Variants in PDE6C observed in about 807,000 individuals in gnomAD.
PDE6C encodes cone cGMP-specific 3',5'-cyclic phosphodiesterase subunit alpha'.
A neutral mutation model predicts 113.1 loss-of-function variants in PDE6C; 75 were observed. The ratio of observed to expected loss-of-function variants is 0.66; its 90% CI spans 0.55 to 0.80. The LOEUF is 0.80. Among genes scored for constraint, PDE6C ranks in the 30% least tolerant of loss-of-function variants. The pLI is 0.00. For synonymous variants in PDE6C, 375 were observed against 363.7 expected (o/e 1.03, Z -0.35); for missense variants, 912 against 1,038.6 (o/e 0.88, Z 1.67).
chr10:93,652,019 A>ATG (rs371473946), intron 15 of PDE6C, among the ~76,000 whole-genome samples: 2,135 of 151,458 alleles, frequency 0.014, 54 homozygotes, highest in African/African-American at 0.049. Context: ...GTGTGTGTGC[A>ATG]TGTGTGTGTG....
intron 16 of PDE6C, among the ~76,000 whole-genome samples, chr10:93,657,191 C>T (rs2058641963): frequency 6.6e-6 from 1 of 151,876 alleles, no homozygotes; most frequent in African/African-American, 2.4e-5. Flanking sequence ...GCGACGGAGT[C>T]TCACTCTGTC....
intron 3 of PDE6C, 121 bp downstream of exon 3, chr10:93,621,101 C>T (rs1382335040): frequency 1.3e-6 from 1 of 796,716 alleles, no homozygotes; most frequent in Non-Finnish European, 2.2e-6. Context: ...AACAGATCCC[C>T]AAACTTCAGT....
intron 4 of PDE6C, among the ~76,000 whole-genome samples, chr10:93,622,671 T>TTTTTTTTTTTTTTTTTTTC (rs2058454152): frequency 6.8e-6 from 1 of 147,300 alleles, no homozygotes; most frequent in African/African-American, 2.5e-5. Context: ...TGTTGTTTTT[T>TTTTTTTTTTTTTTTTTTTC]TTTTTTTGCT....
At chr10:93,629,340 G>A (rs1354727908) in intron 8 of PDE6C, 35 bp downstream of exon 8, 1 of 1,513,986 alleles carries the variant, frequency 6.6e-7, no homozygotes, top group Non-Finnish European at 9.2e-7. Context: ...CACCTCTTGG[G>A]GCTGGGGTAG....
At chr10:93,621,360 T>G (rs571934286) in intron 3 of PDE6C, among the ~76,000 whole-genome samples, 1 of 152,216 alleles carries the variant, frequency 6.6e-6, no homozygotes, top group South Asian at 2.1e-4. Context: ...CCTATTAATT[T>G]GAGGAGCATA....
intron 3 of PDE6C, among the ~76,000 whole-genome samples, chr10:93,621,451 C>G (rs1564796238): frequency 6.6e-6 from 1 of 152,178 alleles, no homozygotes; most frequent in East Asian, 1.9e-4. Flanking sequence ...CTCTCTGGAC[C>G]TCAGTTTCCT....
chr10:93,613,901 C>T (rs2058405503), intron 1 of PDE6C, among the ~76,000 whole-genome samples: 1 of 152,198 alleles, frequency 6.6e-6, no homozygotes, highest in Non-Finnish European at 1.5e-5. Flanking sequence ...TGAAGACCAA[C>T]AGCATACTGC....
rs747162323 is a variant in PDE6C at position 93,640,116 on chromosome 10, G to A, written c.1529G>A (p.Arg510His). ...CGCTCAGCAGAACTGTACGAATTCC[G>A]CTTCAGTGACTTCCCCCTTACAGAG... ...DPRSAELYEFRFSDFPLTEHG... is the reference protein window; with the variant it reads ...DPRSAELYEFHFSDFPLTEHG... Residue 510 changes from arginine to histidine, a missense_variant, in exon 12 of 22, where the codon CGC (arginine) becomes CAC (histidine). By Grantham distance (29) the Arg-to-His change is conservative. Coordinates refer to ENST00000371447, the MANE Select transcript of PDE6C (RefSeq NM_006204.4). 17 of 1,613,834 alleles carry A rather than the reference G, an allele frequency of 1.1e-5. No individual in the cohort carries two copies. The African/African-American group carries it at 1.1e-4, about 10-fold the overall frequency.
At chr10:93,644,118 A>C (rs1281788219) in intron 14 of PDE6C, among the ~76,000 whole-genome samples, 3 of 152,206 alleles carry the variant, frequency 2.0e-5, no homozygotes, top group Non-Finnish European at 4.4e-5. Context: ...TAATAAATTC[A>C]GACTAAACAT....
Position 93,665,229 on chromosome 10 carries a change from AC to A in PDE6C, c.2519-128del, listed in dbSNP as rs1373650654. ...TTAATTCAAGTTTTTACATGGTCAAACCCACAGTACTTGCTAGGTTAAAATG... is the reference window on the plus strand; with the variant it reads ...TTAATTCAAGTTTTTACATGGTCAAACCACAGTACTTGCTAGGTTAAAATG... On this transcript the variant is annotated intron_variant, in intron 21 of 21. Coordinates refer to ENST00000371447, the MANE Select transcript of PDE6C (RefSeq NM_006204.4). The A allele has an allele frequency of 6.2e-5, 48 of 774,874 alleles. No individual in the cohort carries two copies. The South Asian group carries it at 6.3e-4, about 10-fold the overall frequency. 48.0% of individuals were successfully genotyped at this position (774,874 alleles called of 1,614,324 possible).
intron 4 of PDE6C, 75 bp from the exon 5 acceptor site, chr10:93,625,500 C>A: frequency 2.0e-6 from 2 of 996,156 alleles, no homozygotes; most frequent in Non-Finnish European, 3.2e-6. Context: ...AATATACAAA[C>A]ACATAAAATT....
chr10:93,662,673 C>A, intron 20 of PDE6C, 30 bp downstream of exon 20: 1 of 1,009,886 alleles, frequency 9.9e-7, no homozygotes, highest in Non-Finnish European at 1.6e-6. Flanking sequence ...GAATTAAATA[C>A]ATAAACATTT....
At chr10:93,664,746 T>G (rs1183041649) in intron 21 of PDE6C, among the ~76,000 whole-genome samples, 1 of 152,238 alleles carries the variant, frequency 6.6e-6, no homozygotes, top group Non-Finnish European at 1.5e-5. Flanking sequence ...CTAAGATCAT[T>G]ATTTTCTATC....
At chr10:93,630,117 G>A (rs72822871) in intron 8 of PDE6C, among the ~76,000 whole-genome samples, 32,130 of 151,912 alleles carry the variant, frequency 0.21, 3,802 homozygotes, top group East Asian at 0.35. Flanking sequence ...CAACAATTCT[G>A]ACTGAGTCTT....
chr10:93,622,650 G>GTTGTTTTTTTTTTTT (rs2058453304), intron 4 of PDE6C, among the ~76,000 whole-genome samples: 1 of 107,474 alleles, frequency 9.3e-6, no homozygotes, highest in Non-Finnish European at 1.8e-5. Context: ...TTTTTTTTTT[G>GTTGTTTTTTTTTTTT]TTTTTTTTTT....
In PDE6C at chr10:93,613,003, C is replaced by T. The variant is rs1482257148; in HGVS notation, c.278C>T (p.Ala93Val). Residue 93 changes from alanine (A) to valine (V), a missense_variant, in exon 1 of 22, where the codon GCT becomes GTT. Ala to Val is a moderately conservative substitution (Grantham distance 64). Transcript: ENST00000371447. ...CAGAGGCTGGCCCACCTGCTCCAGGCTGACCGCTGCAGCATGTTCCTGTGC... is the reference window on the plus strand; with the variant it reads ...CAGAGGCTGGCCCACCTGCTCCAGGTTGACCGCTGCAGCATGTTCCTGTGC... ...ALQRLAHLLQ[A>V]DRCSMFLCRS... 1 of 1,614,122 alleles carries T rather than the reference C, an allele frequency of 6.2e-7. No homozygotes were observed. Among genetic ancestry groups the T allele is most frequent in the Admixed American group, 1.7e-5 (1 of 60,026 alleles).
chr10:93,645,781 A>G (rs1219864242), intron 14 of PDE6C, among the ~76,000 whole-genome samples, 179 bp from the exon 15 acceptor site: 1 of 149,628 alleles, frequency 6.7e-6, no homozygotes, highest in Non-Finnish European at 1.5e-5. Context: ...TTTTTTTTCC[A>G]AAAGAGCATA....
Position 93,620,674 on chromosome 10 carries a change from G to A in PDE6C, c.523G>A (p.Val175Ile). 6.2e-7 allele frequency: 1 copy of A among 1,614,172 alleles called. No individual in the cohort carries two copies. Among genetic ancestry groups the A allele is most frequent in the Non-Finnish European group, 8.5e-7 (1 of 1,180,032 alleles). ...SDFMDKQTGY[V>I]TKNLLATPIV... ...CTTCATGGACAAGCAAACTGGGTAT[G>A]TCACTAAGAACCTGCTGGCAACCCC... is the stretch of plus-strand genomic sequence containing the variant. The change falls in exon 2 of 22, where the codon GTC (valine) becomes ATC (isoleucine). Residue 175 changes from valine (V) to isoleucine (I), a missense_variant. By Grantham distance (29) the Val-to-Ile change is conservative (BLOSUM62 3). Coordinates refer to ENST00000371447, the MANE Select transcript of PDE6C (RefSeq NM_006204.4).
At chr10:93,645,877 G>A in intron 14 of PDE6C, 83 bp from the exon 15 acceptor site, 1 of 795,126 alleles carries the variant, frequency 1.3e-6, no homozygotes, top group Non-Finnish European at 2.2e-6. Flanking sequence ...GGAGAAGAGA[G>A]ACATTAAGAA....
Sources: gnomAD v4.1 joint callset for allele counts (sites outside exome capture counted in the v4.1 genomes callset) on GRCh38, gnomAD v4.1.1 for gene constraint, MANE v1.5 for transcripts, NCBI Gene and HGNC (gene_info 2026-07-23, HGNC 2026-07-21) for gene names.